The following MOCS1 variants were observed in gnomAD, a reference collection of about 807,000 sequenced individuals.
MOCS1 encodes molybdenum cofactor synthesis 1, also known as molybdenum cofactor biosynthesis protein 1.
MOCS1 carries 39 observed loss-of-function variants against 57.6 expected under a neutral mutation model. The observed-to-expected ratio is 0.68, with a 90% CI of 0.52 to 0.88. The LOEUF (loss-of-function observed/expected upper bound fraction) is 0.88, where lower values mean the gene tolerates loss of function less well. Among genes scored for constraint, MOCS1 ranks in the 40% least tolerant of loss-of-function variants. The pLI is 0.00. For synonymous variants in MOCS1, 334 were observed against 335.7 expected, an observed-to-expected ratio of 1.00 and a Z score of 0.05; for missense variants, 795 against 831.1, an observed-to-expected ratio of 0.96 and a Z score of 0.53.
chr6:39,929,316 T>C (rs1768521636), intron 1 of MOCS1, among the ~76,000 whole-genome samples: 1 of 152,136 alleles, frequency 6.6e-6, no homozygotes, highest in African/African-American at 2.4e-5. Flanking sequence ...TTTCCACAGA[T>C]AGCCTCAGGG....
chr6:39,915,755 A>T (rs1338254057), intron 4 of MOCS1, among the ~76,000 whole-genome samples: 1 of 152,036 alleles, frequency 6.6e-6, no homozygotes, highest in Non-Finnish European at 1.5e-5. Context: ...TAGAATGACC[A>T]ACTCGGCCCA....
intron 3 of MOCS1, among the ~76,000 whole-genome samples, chr6:39,921,353 C>T (rs535474341): frequency 4.6e-5 from 7 of 151,684 alleles, no homozygotes; most frequent in South Asian, 4.2e-4. Context: ...CAGCTCAGAT[C>T]GCACCACTGC....
chr6:39,911,507 CA>C (rs1767326008), intron 8 of MOCS1, among the ~76,000 whole-genome samples: 1 of 152,194 alleles, frequency 6.6e-6, no homozygotes, highest in Non-Finnish European at 1.5e-5. Flanking sequence ...GCTTATAAAA[CA>C]TACATGGGGG....
chr6:39,911,390 TA>T (rs1767318154), intron 8 of MOCS1, among the ~76,000 whole-genome samples: 1 of 152,134 alleles, frequency 6.6e-6, no homozygotes, highest in Admixed American at 6.5e-5. Context: ...CCGCGAACAT[TA>T]CCAAGCTCTC....
intron 1 of MOCS1, among the ~76,000 whole-genome samples, chr6:39,933,948 G>C (rs1028910600): frequency 6.6e-6 from 1 of 152,034 alleles, no homozygotes; most frequent in Non-Finnish European, 1.5e-5. Flanking sequence ...AAATGTTTAA[G>C]AAAGAGGGTG....
At chr6:39,922,551 C>T (rs918846868) in intron 3 of MOCS1, among the ~76,000 whole-genome samples, 2 of 152,252 alleles carry the variant, frequency 1.3e-5, no homozygotes, top group Non-Finnish European at 1.5e-5. Flanking sequence ...TGGCCAAACC[C>T]GCCATAACTT....
Position 39,905,751 on chromosome 6 carries a change from G to A in MOCS1, c.*606C>T, listed in dbSNP as rs1362674165. ...CAGAGGAAAAGGGGCCAGCAGGACC[G>A]GGCAACTGTTAAGCTGAAAGGCTGC... On this transcript the variant is annotated 3_prime_UTR_variant, in exon 11 of 11. Transcript: ENST00000340692. 1.5e-5 allele frequency: 7 copies of A among 471,070 alleles called. No homozygotes were observed. The highest frequency in any genetic ancestry group is 3.2e-4 in the Middle Eastern group (1 of 3,100). The allele number at this position is 471,070 out of a possible 1,614,324, so 29.2% of individuals were successfully genotyped here.
chr6:39,917,587 A>G (rs1188761376), intron 3 of MOCS1, among the ~76,000 whole-genome samples: 1 of 152,104 alleles, frequency 6.6e-6, no homozygotes, highest in Non-Finnish European at 1.5e-5. Context: ...GCCAACAGAG[A>G]CCTCAGGCAC....
intron 1 of MOCS1, chr6:39,932,393 C>T (rs1385097955): frequency 1.3e-5 from 2 of 152,230 alleles, no homozygotes; most frequent in African/African-American, 4.8e-5. Context: ...AAACATGAAG[C>T]AAAGGGAAGT....
At chr6:39,932,692 G>C (rs779768913) in intron 1 of MOCS1, among the ~76,000 whole-genome samples, 5 of 152,230 alleles carry the variant, frequency 3.3e-5, no homozygotes, top group Non-Finnish European at 7.3e-5. Flanking sequence ...AACAAGTCCA[G>C]ATGGGAGGGG....
chr6:39,915,515 C>A (rs1330754961), intron 4 of MOCS1, among the ~76,000 whole-genome samples: 1 of 152,204 alleles, frequency 6.6e-6, no homozygotes, highest in African/African-American at 2.4e-5. Flanking sequence ...TGACCCAGAG[C>A]TCGAGGCTGG....
Position 39,906,770 on chromosome 6 carries a change from G to T in MOCS1, c.1498C>A (p.Pro500Thr). 6.2e-7 allele frequency: 1 copy of T among 1,614,196 alleles called. No homozygotes were observed. Among genetic ancestry groups the T allele is most frequent in the Non-Finnish European group, 8.5e-7 (1 of 1,180,032 alleles). Reference protein sequence around the residue: ...RAAMVDVGRKPDTERVAVASA... With the variant: ...RAAMVDVGRKTDTERVAVASA... ...GCCACAGCCACCCGCTCTGTGTCTG[G>T]CTTCCTGCCCACATCTACCATAGCT... Residue 500 changes from proline (P) to threonine (T), a missense_variant, in exon 11 of 11, where the codon CCA (proline) becomes ACA (threonine). Coordinates refer to ENST00000340692, the MANE Select transcript of MOCS1 (RefSeq NM_001358530.2).
At position 39,912,303 on chromosome 6, in the gene MOCS1, G is replaced by A. The variant is rs142940300; in HGVS notation, c.942C>T (p.Thr314=). The change falls in exon 8 of 11, where the codon ACC becomes ACT. Residue 314 remains threonine (T), a synonymous_variant. Transcript: ENST00000340692. ...ITSMSEHFCG[T]CNRLRITADG... The stretch of plus-strand genomic sequence containing the variant: ...CAGCTGTGATTCGCAGGCGGTTGCA[G>A]GTCCCACAGAAATGCTCAGACATGG... 59 of 1,613,648 alleles carry A rather than the reference G, an allele frequency of 3.7e-5. No individual in the cohort carries two copies. The African/African-American group carries it at 7.7e-4, about 21-fold the overall frequency.
chr6:39,918,958 G>A (rs182083590), intron 3 of MOCS1, among the ~76,000 whole-genome samples: 129 of 152,248 alleles, frequency 8.5e-4, no homozygotes, highest in Non-Finnish European at 1.5e-3. Context: ...AATCAACCCC[G>A]GAGAAACACA....
intron 3 of MOCS1, among the ~76,000 whole-genome samples, 190 bp from the exon 4 acceptor site, chr6:39,916,422 A>G (rs752624726): frequency 2.0e-5 from 3 of 152,356 alleles, no homozygotes; most frequent in Middle Eastern, 3.4e-3. Context: ...CCAAAAGATT[A>G]AGCATTGAGT....
chr6:39,905,635 G>A lies in MOCS1; in HGVS notation c.*722C>T, dbSNP rs886729681. On this transcript the variant is annotated 3_prime_UTR_variant, in exon 11 of 11. Transcript: ENST00000340692. ...ATAAAGAGGGGTGGGTGGAACAGCC[G>A]TGAACAGGGCCAGGTGTGGGCTGTG... The A allele has an allele frequency of 6.4e-6, 3 of 471,096 alleles. No homozygotes were observed. Among genetic ancestry groups the A allele is most frequent in the Non-Finnish European group, 1.3e-5 (3 of 227,072 alleles). The allele number at this position is 471,096 out of a possible 1,614,324, so 29.2% of individuals were successfully genotyped here.
At chr6:39,912,871 C>A (rs1411738037) in intron 7 of MOCS1, 21 bp downstream of exon 7, 2 of 1,599,938 alleles carry the variant, frequency 1.3e-6, no homozygotes, top group South Asian at 2.2e-5. Flanking sequence ...AGGCCTGCCC[C>A]ACACCCTCCT....
rs774443083 is a variant in MOCS1, at chr6:39,904,330, G to C, written c.*2027C>G. 8.8e-6 allele frequency: 4 copies of C among 456,706 alleles called. No individual in the cohort carries two copies. The highest frequency in any genetic ancestry group is 6.5e-4 in the Middle Eastern group (2 of 3,068). 28.3% of individuals were successfully genotyped at this position (456,706 alleles called of 1,614,324 possible). A position where few individuals can be genotyped will look rare whatever the true frequency, so the allele number is the denominator to read the frequency against. ...AGTGGCTCTGGTGCTAGATGCCACT[G>C]TAGCCAGATCTCCAACAGTGCCTTG... On this transcript the variant is annotated 3_prime_UTR_variant, in exon 11 of 11. Transcript: ENST00000340692.
At chr6:39,913,878 C>T (rs761437436) in intron 4 of MOCS1, 43 bp from the exon 5 acceptor site, 26 of 1,591,748 alleles carry the variant, frequency 1.6e-5, no homozygotes, top group East Asian at 2.2e-5. Flanking sequence ...TGTCCTCTCT[C>T]CTCTTCCCCC....
Sources: gnomAD v4.1 joint callset for allele counts (sites outside exome capture counted in the v4.1 genomes callset) on GRCh38, gnomAD v4.1.1 for gene constraint, MANE v1.5 for transcripts, NCBI Gene and HGNC (gene_info 2026-07-23, HGNC 2026-07-21) for gene names.